Variants in CDH12 observed in about 807,000 individuals in gnomAD.
CDH12 encodes the protein cadherin 12.
A neutral mutation model predicts 74.1 loss-of-function variants in CDH12; 41 were observed. The ratio of observed to expected loss-of-function variants is 0.55; its 90% CI spans 0.43 to 0.72. The LOEUF is 0.72. Ranked by LOEUF, CDH12 falls within the 30% of genes least tolerant of loss-of-function variation. The probability of loss-of-function intolerance (pLI) is 0.00; values close to 1 mark genes in which losing one functional copy is unlikely to be tolerated. For synonymous variants in CDH12, 399 were observed against 355.0 expected (o/e 1.12, Z -1.39); for missense variants, 945 against 977.2 (o/e 0.97, Z 0.44).
intron 1 of CDH12, among the ~76,000 whole-genome samples, chr5:22,793,875 A>G (rs1192919453): frequency 6.6e-6 from 1 of 152,042 alleles, no homozygotes; most frequent in East Asian, 1.9e-4. Flanking sequence ...ACAATTTGTT[A>G]TGCTTCTTAA....
At chr5:22,293,476 C>T (rs899373949) in intron 3 of CDH12, among the ~76,000 whole-genome samples, 1 of 151,954 alleles carries the variant, frequency 6.6e-6, no homozygotes, top group African/African-American at 2.4e-5. Flanking sequence ...GGTATATATC[C>T]AAAGAAAATA....
chr5:22,234,538 T>A (rs1580431840), intron 3 of CDH12, among the ~76,000 whole-genome samples: 1 of 151,922 alleles, frequency 6.6e-6, no homozygotes, highest in African/African-American at 2.4e-5. Context: ...CAATTAAACA[T>A]CTTTTTCTTC....
intron 6 of CDH12, among the ~76,000 whole-genome samples, chr5:21,900,573 A>G (rs1263578859): frequency 6.6e-6 from 1 of 152,212 alleles, no homozygotes; most frequent in Non-Finnish European, 1.5e-5. Context: ...GAGCTCTGCC[A>G]CCGTAACAAC....
intron 1 of CDH12, among the ~76,000 whole-genome samples, chr5:22,645,482 A>T (rs1208011146): frequency 6.6e-6 from 1 of 152,032 alleles, no homozygotes; most frequent in East Asian, 1.9e-4. Context: ...AGCAAATAAA[A>T]TGGTTTCTTG....
At chr5:21,888,382 C>T (rs1216539372) in intron 6 of CDH12, among the ~76,000 whole-genome samples, 1 of 151,974 alleles carries the variant, frequency 6.6e-6, no homozygotes, top group East Asian at 1.9e-4. Context: ...ACATCACTAA[C>T]AATGCAGGGA....
intron 1 of CDH12, among the ~76,000 whole-genome samples, chr5:22,766,523 A>C (rs955087917): frequency 2.0e-4 from 30 of 152,052 alleles, no homozygotes; most frequent in Admixed American, 1.9e-3. Flanking sequence ...TGAAAATTTC[A>C]TTGTATTTAA....
intron 3 of CDH12, among the ~76,000 whole-genome samples, chr5:22,371,733 T>C (rs913898915): frequency 3.9e-5 from 6 of 152,190 alleles, no homozygotes; most frequent in African/African-American, 9.7e-5. Flanking sequence ...TGTAGAATAT[T>C]ATGTACCAAG....
intron 1 of CDH12, among the ~76,000 whole-genome samples, chr5:22,759,943 T>C (rs749670135): frequency 1.3e-5 from 2 of 152,162 alleles, no homozygotes; most frequent in Non-Finnish European, 2.9e-5. Flanking sequence ...TCACTCTTTT[T>C]CTTAAGGTCT....
At chr5:21,955,749 C>T (rs559512537) in intron 6 of CDH12, among the ~76,000 whole-genome samples, 1 of 151,986 alleles carries the variant, frequency 6.6e-6, no homozygotes, top group Non-Finnish European at 1.5e-5. Flanking sequence ...CCAGACAGAC[C>T]TAAAGCAGTG....
rs571313590 is a variant in CDH12, at chr5:22,399,178, A to C, written c.-333+6079T>G. 2.0e-5 allele frequency among the ~76,000 whole-genome samples: 3 copies of C among 148,798 alleles called. No individual in the cohort carries two copies. In the East Asian group the frequency reaches 6.0e-4, roughly 30 times the overall value. On this transcript the variant is annotated intron_variant, in intron 3 of 14. Transcript: ENST00000382254. ...TATCTATATCTATTTATCTTACTAT[A>C]TAATCTACCCAGTATCTATCTATCT...
intron 6 of CDH12, among the ~76,000 whole-genome samples, chr5:21,974,611 G>A (rs1756983749): frequency 6.6e-6 from 1 of 152,132 alleles, no homozygotes; most frequent in Non-Finnish European, 1.5e-5. Flanking sequence ...AAAGGAAACA[G>A]TATTACCCTT....
intron 4 of CDH12, among the ~76,000 whole-genome samples, chr5:22,193,078 G>C: frequency 6.6e-6 from 1 of 152,306 alleles, no homozygotes; most frequent in Middle Eastern, 3.4e-3. Context: ...ATACATGCTG[G>C]AGAAAACTGC....
At chr5:21,989,765 T>C (rs537069888) in intron 5 of CDH12, among the ~76,000 whole-genome samples, 1 of 152,308 alleles carries the variant, frequency 6.6e-6, no homozygotes, top group South Asian at 2.1e-4. Context: ...AAATCAATGG[T>C]TTGTTTTTGC....
intron 8 of CDH12, among the ~76,000 whole-genome samples, chr5:21,824,449 G>T (rs1748548209): frequency 6.6e-6 from 1 of 152,114 alleles, no homozygotes. Context: ...TCCACAGGCA[G>T]ATTCTCGCTT....
chr5:22,698,653 C>G (rs1044635476), intron 1 of CDH12, among the ~76,000 whole-genome samples: 1 of 116,776 alleles, frequency 8.6e-6, no homozygotes, highest in Non-Finnish European at 1.7e-5. Context: ...AAAAGCATTA[C>G]ATTTAGCTGC....
chr5:22,653,378 C>T (rs1739841543), intron 1 of CDH12, among the ~76,000 whole-genome samples: 1 of 152,076 alleles, frequency 6.6e-6, no homozygotes. Flanking sequence ...CTTGATTACA[C>T]TGCTCTTCCA....
intron 1 of CDH12, among the ~76,000 whole-genome samples, chr5:22,628,695 A>G (rs1051969129): frequency 4.6e-5 from 7 of 152,162 alleles, no homozygotes; most frequent in Non-Finnish European, 1.0e-4. Flanking sequence ...GAAGCTAGAG[A>G]AACAAGAATA....
At chr5:22,389,378 T>C (rs1300199306) in intron 3 of CDH12, among the ~76,000 whole-genome samples, 1 of 152,220 alleles carries the variant, frequency 6.6e-6, no homozygotes, top group Admixed American at 6.5e-5. Context: ...TTGTCAAGTT[T>C]CATATGTGTG....
At chr5:22,261,626 C>T (rs1753516218) in intron 3 of CDH12, among the ~76,000 whole-genome samples, 1 of 152,016 alleles carries the variant, frequency 6.6e-6, no homozygotes, top group South Asian at 2.1e-4. Flanking sequence ...GTAGCCACTA[C>T]TCTAAGTAAC....
Sources: allele counts gnomAD v4.1 joint callset (sites outside exome capture counted in the v4.1 genomes callset), GRCh38; gene constraint gnomAD v4.1.1; transcripts MANE v1.5; gene names NCBI Gene and HGNC (gene_info 2026-07-23, HGNC 2026-07-21).